Variants in CYYR1 observed in about 807,000 individuals in gnomAD.
The protein encoded by CYYR1 is cysteine and tyrosine rich 1.
Under a neutral mutation model 15.2 loss-of-function variants are expected in CYYR1, and 14 were observed. The ratio of observed to expected loss-of-function variants is 0.92; its 90% confidence interval spans 0.61 to 1.44. The LOEUF is 1.44. Among genes scored for constraint, CYYR1 ranks in the 40% most tolerant of loss-of-function variants. The pLI is 0.00. For missense variants in CYYR1, 228 were observed against 209.5 expected (o/e 1.09, Z -0.54); for synonymous variants, 80 against 77.4 (o/e 1.03, Z -0.18).
intron 2 of CYYR1, among the ~76,000 whole-genome samples, chr21:26,557,339 T>C (rs1246762268): frequency 6.6e-6 from 1 of 152,194 alleles, no homozygotes; most frequent in African/African-American, 2.4e-5. Flanking sequence ...GTAATCTGAT[T>C]TGGAAACAAT....
intron 3 of CYYR1, among the ~76,000 whole-genome samples, chr21:26,480,036 TGTA>T (rs1438283356): frequency 6.6e-6 from 1 of 152,112 alleles, no homozygotes; most frequent in Non-Finnish European, 1.5e-5. Flanking sequence ...GACTGGCAAT[TGTA>T]GTCAATGAAA....
intron 2 of CYYR1, among the ~76,000 whole-genome samples, chr21:26,498,498 G>C (rs1344237504): frequency 6.6e-6 from 1 of 152,194 alleles, no homozygotes; most frequent in Non-Finnish European, 1.5e-5. Flanking sequence ...TCTGTATTCA[G>C]TTTTGATGGT....
intron 2 of CYYR1, among the ~76,000 whole-genome samples, chr21:26,539,835 G>A (rs1601808645): frequency 6.6e-6 from 1 of 152,140 alleles, no homozygotes; most frequent in Non-Finnish European, 1.5e-5. Flanking sequence ...AGTACAGATA[G>A]ACATTTGCAT....
At chr21:26,566,185 A>G in intron 2 of CYYR1, 81 bp downstream of exon 2, 1 of 1,013,728 alleles carries the variant, frequency 9.9e-7, no homozygotes, top group Non-Finnish European at 1.5e-6. Context: ...CACAACTATC[A>G]CTTAGTACTT....
chr21:26,486,774 G>A (rs1470017138), intron 2 of CYYR1, among the ~76,000 whole-genome samples: 1 of 152,014 alleles, frequency 6.6e-6, no homozygotes, highest in Non-Finnish European at 1.5e-5. Flanking sequence ...AAAAGATTCT[G>A]ATAATGTTGC....
At chr21:26,520,030 C>A (rs890971989) in intron 2 of CYYR1, among the ~76,000 whole-genome samples, 3 of 150,026 alleles carry the variant, frequency 2.0e-5, no homozygotes, top group Admixed American at 2.0e-4. Context: ...TATATATACA[C>A]CATGGAATAC....
rs1431824560 is a variant in CYYR1, at chr21:26,467,766, TTAAA to T, written c.*731_*734del. 6.6e-6 allele frequency: 1 copy of T among 152,190 alleles called. No individual in the cohort carries two copies. Among genetic ancestry groups the T allele is most frequent in the East Asian group, 1.9e-4 (1 of 5,190 alleles). 9.4% of individuals were successfully genotyped at this position (152,190 alleles called of 1,614,324 possible). On this transcript the variant is annotated 3_prime_UTR_variant, in exon 4 of 4. Transcript: ENST00000652641. ...TTTTGGTCTTGTTTTAACTCCCTAA[TTAAA>T]TAAATAAGATCCAACTCTTTCTGTT...
intron 2 of CYYR1, among the ~76,000 whole-genome samples, chr21:26,553,919 G>C (rs1298741989): frequency 6.6e-6 from 1 of 152,176 alleles, no homozygotes. Context: ...GACCTCAGCT[G>C]ATCCTCACTA....
intron 2 of CYYR1, chr21:26,482,110 C>G (rs1255493564): frequency 4.7e-6 from 1 of 213,702 alleles, no homozygotes; most frequent in Non-Finnish European, 8.0e-6. Flanking sequence ...TTATTGCCTC[C>G]TCTTATACTA....
intron 2 of CYYR1, among the ~76,000 whole-genome samples, chr21:26,492,023 T>C (rs1230526595): frequency 1.3e-5 from 2 of 152,220 alleles, no homozygotes; most frequent in African/African-American, 2.4e-5. Flanking sequence ...CCTCCTCAAA[T>C]GTCTTGCTCA....
At chr21:26,505,823 T>A (rs1569152009) in intron 2 of CYYR1, among the ~76,000 whole-genome samples, 1 of 152,218 alleles carries the variant, frequency 6.6e-6, no homozygotes, top group African/African-American at 2.4e-5. Context: ...AGGTTTTTAA[T>A]GCTTTTCGTA....
chr21:26,563,398 C>A (rs956025040), intron 2 of CYYR1, among the ~76,000 whole-genome samples: 1 of 151,972 alleles, frequency 6.6e-6, no homozygotes, highest in African/African-American at 2.4e-5. Flanking sequence ...ATGGTGAAAA[C>A]CACTCTCTAC....
chr21:26,533,230 A>C (rs1276645186), intron 2 of CYYR1, among the ~76,000 whole-genome samples: 4 of 148,752 alleles, frequency 2.7e-5, no homozygotes, highest in Non-Finnish European at 5.9e-5. Context: ...TATTATATTC[A>C]TAGTATATTT....
chr21:26,541,256 C>G (rs17537285), intron 2 of CYYR1, among the ~76,000 whole-genome samples: 1 of 151,974 alleles, frequency 6.6e-6, no homozygotes, highest in Admixed American at 6.6e-5. Context: ...TTTACAGACT[C>G]AAAAACCTCA....
At chr21:26,502,591 C>A (rs2065496686) in intron 2 of CYYR1, among the ~76,000 whole-genome samples, 1 of 152,044 alleles carries the variant, frequency 6.6e-6, no homozygotes, top group African/African-American at 2.4e-5. Flanking sequence ...TTGGCTTTTA[C>A]AATTTATCTT....
intron 2 of CYYR1, among the ~76,000 whole-genome samples, chr21:26,536,563 T>C (rs961556620): frequency 6.6e-6 from 1 of 152,192 alleles, no homozygotes; most frequent in Non-Finnish European, 1.5e-5. Context: ...CAGGAAAGCA[T>C]AACAAGAGTC....
In CYYR1 at chr21:26,468,368, A is replaced by T. The variant is rs1192834452; in HGVS notation, c.*133T>A. 5.4e-6 allele frequency: 4 copies of T among 735,132 alleles called. No individual in the cohort carries two copies. The highest frequency in any genetic ancestry group is 1.0e-5 in the Non-Finnish European group (4 of 400,494). 45.5% of individuals were successfully genotyped at this position (735,132 alleles called of 1,614,324 possible). A position where few individuals can be genotyped will look rare whatever the true frequency, so the allele number is the denominator to read the frequency against. ...AGAAATCCTATATCTCCTAGCAGGG[A>T]TATTCCACCTGACACATTATCTGAC... On this transcript the variant is annotated 3_prime_UTR_variant, in exon 4 of 4. Transcript: ENST00000652641.
intron 2 of CYYR1, among the ~76,000 whole-genome samples, chr21:26,560,571 T>A (rs1040491209): frequency 6.6e-6 from 1 of 152,220 alleles, no homozygotes; most frequent in Non-Finnish European, 1.5e-5. Context: ...TGGTGGTTTT[T>A]AAAATATATA....
Position 26,573,101 on chromosome 21 carries a change from G to A in CYYR1, c.-161C>T. 5 of 1,519,910 alleles carry A rather than the reference G, an allele frequency of 3.3e-6. No homozygotes were observed. Among genetic ancestry groups the A allele is most frequent in the Non-Finnish European group, 3.5e-6 (4 of 1,138,208 alleles). The allele number at this position is 1,519,910 out of a possible 1,614,324, so 94.2% of individuals were successfully genotyped here. On this transcript the variant is annotated 5_prime_UTR_variant, in exon 1 of 4. Coordinates refer to ENST00000652641, the MANE Select transcript of CYYR1 (RefSeq NM_001320768.2). ...GAGCCTTCCAAGGGAGCCCGGGCCG[G>A]GCGCGTCCCGGGCCAGCGACTGCGG...
Sources: allele counts gnomAD v4.1 joint callset (sites outside exome capture counted in the v4.1 genomes callset), GRCh38; gene constraint gnomAD v4.1.1; transcripts MANE v1.5; gene names NCBI Gene and HGNC (gene_info 2026-07-23, HGNC 2026-07-21).